COG5: variants seen among roughly 807,000 people sequenced by gnomAD.
COG5 encodes conserved oligomeric Golgi complex subunit 5.
COG5 carries 86 observed loss-of-function variants against 110.4 expected under a neutral mutation model. That is an observed-to-expected ratio of 0.78 (90% confidence interval 0.65 to 0.93). COG5 has a LOEUF of 0.93. Ranked by LOEUF, COG5 falls within the 40% of genes least tolerant of loss-of-function variation. The pLI is 0.00. For synonymous variants in COG5, 360 were observed against 334.6 expected (o/e 1.08, Z -0.83); for missense variants, 1,077 against 987.0 (o/e 1.09, Z -1.22).
chr7:107,524,645 T>C (rs1037716849), intron 6 of COG5, among the ~76,000 whole-genome samples: 1 of 152,196 alleles, frequency 6.6e-6, no homozygotes, highest in Admixed American at 6.5e-5. Context: ...TTATTATAAA[T>C]GCCAGGACTG....
intron 7 of COG5, among the ~76,000 whole-genome samples, chr7:107,407,422 T>C (rs1242365839): frequency 3.3e-5 from 5 of 152,090 alleles, no homozygotes. Flanking sequence ...GACCATCATC[T>C]AGTGTTTTAT....
chr7:107,509,209 G>A (rs1197437661), intron 6 of COG5, among the ~76,000 whole-genome samples: 1 of 152,210 alleles, frequency 6.6e-6, no homozygotes, highest in Non-Finnish European at 1.5e-5. Context: ...TAAAGGAGCT[G>A]AGGTAGCTGA....
rs1809387839 is a variant in COG5 at position 107,322,429 on chromosome 7, G to T, written c.1108+2011C>A. ...GAACTGTGAGAAATAAATTTCTGTT[G>T]TGCATAAGTTGCCCAGTCTGTGGTA... On this transcript the variant is annotated intron_variant, in intron 11 of 21. Coordinates refer to ENST00000297135, the MANE Select transcript of COG5 (RefSeq NM_006348.5). 2.0e-5 allele frequency among the ~76,000 whole-genome samples: 3 copies of T among 152,150 alleles called. No individual in the cohort carries two copies. In the South Asian group the frequency reaches 6.2e-4, roughly 31 times the overall value.
At chr7:107,380,775 T>C (rs927408412) in intron 7 of COG5, among the ~76,000 whole-genome samples, 38 of 151,780 alleles carry the variant, frequency 2.5e-4, no homozygotes, top group Admixed American at 3.3e-4. Flanking sequence ...TTCCAAACAA[T>C]AGGAAAAGAG....
At chr7:107,297,138 C>T (rs1303400052) in intron 12 of COG5, among the ~76,000 whole-genome samples, 2 of 152,144 alleles carry the variant, frequency 1.3e-5, no homozygotes, top group Non-Finnish European at 2.9e-5. Context: ...TACAGTTGGA[C>T]CTCCATTTCT....
chr7:107,554,492 A>G (rs1803154957), intron 2 of COG5, 150 bp from the exon 3 acceptor site: 1 of 708,090 alleles, frequency 1.4e-6, no homozygotes, highest in Non-Finnish European at 2.5e-6. Context: ...TGTGTCTGAG[A>G]TGAGTTGTAA....
chr7:107,458,169 AG>A (rs1271865237), intron 6 of COG5, among the ~76,000 whole-genome samples: 1 of 152,234 alleles, frequency 6.6e-6, no homozygotes, highest in Non-Finnish European at 1.5e-5. Context: ...GAAGACAAAA[AG>A]AACATATTTT....
chr7:107,259,076 G>C (rs1803112186), intron 14 of COG5, among the ~76,000 whole-genome samples: 1 of 151,806 alleles, frequency 6.6e-6, no homozygotes, highest in African/African-American at 2.4e-5. Flanking sequence ...AAATTCATGA[G>C]TTTTAGGGAA....
rs115963772 is a variant in COG5 at position 107,310,248 on chromosome 7, G to A, written c.1109-11902C>T. On this transcript the variant is annotated intron_variant, in intron 11 of 21. Coordinates refer to ENST00000297135, the MANE Select transcript of COG5 (RefSeq NM_006348.5). Reference sequence around the variant, plus strand: ...ACGAGCAAAGAAAAAGCTCGTTGTAGAAGCATATTAATATACCGATCACAC... The same window carrying A: ...ACGAGCAAAGAAAAAGCTCGTTGTAAAAGCATATTAATATACCGATCACAC... Among the ~76,000 whole-genome samples, 859 of 152,324 alleles carry A rather than the reference G, an allele frequency of 5.6e-3. 4 individuals are homozygous for A. The highest frequency in any genetic ancestry group is 0.02 in the African/African-American group (814 of 41,572).
rs1799289106 is a variant in COG5 at position 107,213,099 on chromosome 7, C to A, written c.2169-1874G>T. Among the ~76,000 whole-genome samples the A allele has an allele frequency of 2.1e-5, 3 of 142,504 alleles. No individual in the cohort carries two copies. The South Asian group carries it at 7.0e-4, about 33-fold the overall frequency. The allele number at this position is 142,504 out of a possible 152,430, so 93.5% of individuals were successfully genotyped here. ...TGGTGTGCAGATCTGGGTGGTAGCT[C>A]TGTGTTGCTGCCAGCAGCGGCACCT... On this transcript the variant is annotated intron_variant, in intron 19 of 21. Coordinates refer to ENST00000297135, the MANE Select transcript of COG5 (RefSeq NM_006348.5).
chr7:107,255,459 C>T (rs1802815107), intron 16 of COG5, among the ~76,000 whole-genome samples: 1 of 152,044 alleles, frequency 6.6e-6, no homozygotes, highest in African/African-American at 2.4e-5. Context: ...TCCTCATTCC[C>T]TGTAAATTCT....
At chr7:107,295,954 A>G (rs1331105253) in intron 12 of COG5, among the ~76,000 whole-genome samples, 1 of 151,834 alleles carries the variant, frequency 6.6e-6, no homozygotes, top group Non-Finnish European at 1.5e-5. Context: ...CCACGCCTAC[A>G]TAATTTTTTG....
intron 6 of COG5, among the ~76,000 whole-genome samples, chr7:107,424,505 CTTT>C (rs11376252): frequency 7.3e-6 from 1 of 136,104 alleles, no homozygotes; most frequent in African/African-American, 2.7e-5. Context: ...CTCAACAAAA[CTTT>C]TTTTTTTTTT....
intron 18 of COG5, among the ~76,000 whole-genome samples, chr7:107,231,782 G>C (rs938439202): frequency 1.3e-5 from 2 of 152,188 alleles, no homozygotes; most frequent in South Asian, 4.2e-4. Context: ...CTAGATATGA[G>C]GATTAGATGA....
intron 7 of COG5, among the ~76,000 whole-genome samples, chr7:107,388,362 C>T (rs899775910): frequency 2.0e-5 from 3 of 152,182 alleles, no homozygotes; most frequent in Admixed American, 6.5e-5. Flanking sequence ...TTAACTTTTG[C>T]GTTTATGGGG....
rs565239068 is a variant in COG5 at position 107,439,227 on chromosome 7, G to A, written c.539-26595C>T. 9.2e-5 allele frequency among the ~76,000 whole-genome samples: 14 copies of A among 151,720 alleles called. No homozygotes were observed. The South Asian group carries it at 1.3e-3, about 14-fold the overall frequency. ...CATCATCAATTTTTCCCTTCTCTAC[G>A]CAATCATTCCCATCAGATATAACTA... is the stretch of plus-strand genomic sequence containing the variant. On this transcript the variant is annotated intron_variant, in intron 6 of 21. Transcript: ENST00000297135.
intron 1 of COG5, among the ~76,000 whole-genome samples, chr7:107,561,515 T>C (rs550520937): frequency 4.6e-5 from 7 of 152,312 alleles, no homozygotes; most frequent in Non-Finnish European, 1.0e-4. Flanking sequence ...AGGAATCAAA[T>C]GTTATTACAA....
In COG5 at chr7:107,440,838, A is replaced by G. The variant is rs116505438; in HGVS notation, c.539-28206T>C. 4.3e-3 allele frequency among the ~76,000 whole-genome samples: 660 copies of G among 152,226 alleles called. 3 individuals carry two copies. Among genetic ancestry groups the G allele is most frequent in the African/African-American group, 0.015 (631 of 41,526 alleles). On this transcript the variant is annotated intron_variant, in intron 6 of 21. Coordinates refer to ENST00000297135, the MANE Select transcript of COG5 (RefSeq NM_006348.5). ...AGTTTTGTGCCCCTTCCCCCATACTATGCTCTATATATCTTTTCTATTTGG... is the reference window on the plus strand; with the variant it reads ...AGTTTTGTGCCCCTTCCCCCATACTGTGCTCTATATATCTTTTCTATTTGG...
At chr7:107,243,100 C>T (rs965025963) in intron 17 of COG5, among the ~76,000 whole-genome samples, 2 of 152,122 alleles carry the variant, frequency 1.3e-5, no homozygotes, top group Non-Finnish European at 2.9e-5. Context: ...TCAAAAAAGA[C>T]AAATAAGGAC....
Sources: allele counts gnomAD v4.1 joint callset (sites outside exome capture counted in the v4.1 genomes callset), GRCh38; gene constraint gnomAD v4.1.1; transcripts MANE v1.5; gene names NCBI Gene and HGNC (gene_info 2026-07-23, HGNC 2026-07-21).